LRRC37A2: variants seen among roughly 807,000 people sequenced by gnomAD.
The protein encoded by LRRC37A2 is leucine-rich repeat-containing protein 37A2.
In LRRC37A2, 9 loss-of-function variants were observed where a neutral mutation model predicts 68.8. The ratio of observed to expected loss-of-function variants is 0.13; its 90% CI spans 0.08 to 0.23. LRRC37A2 has a LOEUF of 0.23. Ranked by LOEUF, LRRC37A2 falls within the 10% of genes least tolerant of loss-of-function variation. The pLI is 1.00. For missense variants in LRRC37A2, 168 were observed against 950.4 expected (o/e 0.18, Z 10.82); for synonymous variants, 63 against 367.6 (o/e 0.17, Z 9.48).
the LRRC37A2 span, among the ~76,000 whole-genome samples, chr17:46,805,624 G>T: frequency 6.6e-6 from 1 of 152,110 alleles, no homozygotes; most frequent in Non-Finnish European, 1.5e-5. Context: ...TATGGTGCTT[G>T]CCTGTAGTCT....
chr17:47,018,708 G>A, the LRRC37A2 span: 8 of 1,520,200 alleles, frequency 5.3e-6, no homozygotes, highest in Admixed American at 5.0e-5. Flanking sequence ...TCCACAGACC[G>A]CTGAGGAGGG....
the LRRC37A2 span, among the ~76,000 whole-genome samples, chr17:46,916,108 C>T: frequency 2.0e-5 from 3 of 152,234 alleles, no homozygotes; most frequent in African/African-American, 7.2e-5. Flanking sequence ...ACAAGGTGTT[C>T]ACCCCTCTCC....
chr17:46,859,143 AT>A, the LRRC37A2 span, among the ~76,000 whole-genome samples: 2 of 151,062 alleles, frequency 1.3e-5, no homozygotes, highest in Non-Finnish European at 1.5e-5. Flanking sequence ...TGCCTAGCTA[AT>A]TTTGTATTTT....
At chr17:46,995,117 T>C in the LRRC37A2 span, among the ~76,000 whole-genome samples, 26 of 152,012 alleles carry the variant, frequency 1.7e-4, 1 homozygote, top group South Asian at 5.4e-3. Flanking sequence ...AGTGAGACTG[T>C]CCCCCCACTC....
At chr17:46,886,812 TTTTG>T in the LRRC37A2 span, 249 of 153,964 alleles carry the variant, frequency 1.6e-3, no homozygotes, top group African/African-American at 5.0e-3. Context: ...CATCTGTTTT[TTTTG>T]TTTGTTTGTT....
chr17:46,989,016 C>T, the LRRC37A2 span, among the ~76,000 whole-genome samples: 5 of 152,206 alleles, frequency 3.3e-5, no homozygotes, highest in African/African-American at 9.7e-5. Context: ...CAACAGAACA[C>T]AGGAAATGAG....
chr17:46,871,340 G>T, the LRRC37A2 span, among the ~76,000 whole-genome samples: 1 of 152,166 alleles, frequency 6.6e-6, no homozygotes, highest in Non-Finnish European at 1.5e-5. Context: ...CAAACATTTT[G>T]AACCAGCAGA....
At chr17:47,003,177 A>G in the LRRC37A2 span, among the ~76,000 whole-genome samples, 2 of 148,082 alleles carry the variant, frequency 1.4e-5, no homozygotes, top group East Asian at 4.1e-4. Flanking sequence ...TTAAGGCCGG[A>G]AGGAAATTTG....
At chr17:46,832,392 G>C in the LRRC37A2 span, among the ~76,000 whole-genome samples, 3 of 137,912 alleles carry the variant, frequency 2.2e-5, no homozygotes, top group Admixed American at 2.2e-4. Context: ...ACACAGGGGG[G>C]AAAAGAGAGA....
chr17:46,764,804 C>T, the LRRC37A2 span, among the ~76,000 whole-genome samples: 4 of 152,164 alleles, frequency 2.6e-5, no homozygotes, highest in East Asian at 3.9e-4. Context: ...TGAGGGAGGT[C>T]GTATGAGTCA....
At chr17:46,743,486 G>A in the LRRC37A2 span, among the ~76,000 whole-genome samples, 1 of 152,186 alleles carries the variant, frequency 6.6e-6, no homozygotes, top group Non-Finnish European at 1.5e-5. Context: ...TGGTTGAGGA[G>A]GAGATAGATG....
the LRRC37A2 span, among the ~76,000 whole-genome samples, chr17:46,841,036 G>A: frequency 6.6e-6 from 1 of 152,158 alleles, no homozygotes; most frequent in African/African-American, 2.4e-5. Context: ...CTTTCCCGAT[G>A]CTACTTCCAA....
At chr17:46,830,356 A>G in the LRRC37A2 span, among the ~76,000 whole-genome samples, 34,980 of 152,092 alleles carry the variant, frequency 0.23, 5,036 homozygotes, top group East Asian at 0.59. Context: ...GGCTCAAGCA[A>G]TCCTCCCACT....
At chr17:46,773,833 G>C in the LRRC37A2 span, 1 of 1,613,372 alleles carries the variant, frequency 6.2e-7, no homozygotes. Context: ...AGTTGCTTGG[G>C]GACCAGGCCT....
the LRRC37A2 span, among the ~76,000 whole-genome samples, chr17:46,999,304 A>G: frequency 6.6e-6 from 1 of 152,016 alleles, no homozygotes; most frequent in African/African-American, 2.4e-5. Context: ...GACGCCCTTC[A>G]TACAGTGTTT....
chr17:47,000,066 A>AAATAAAAT, the LRRC37A2 span, among the ~76,000 whole-genome samples: 2 of 23,024 alleles, frequency 8.7e-5, no homozygotes, highest in Non-Finnish European at 2.5e-4. Context: ...AATAAAATTA[A>AAATAAAAT]AATAAAATAA....
the LRRC37A2 span, among the ~76,000 whole-genome samples, chr17:47,011,886 T>A: frequency 2.0e-5 from 3 of 152,198 alleles, no homozygotes; most frequent in African/African-American, 7.2e-5. Context: ...GCACACACTC[T>A]CTCTCTGTCC....
the LRRC37A2 span, among the ~76,000 whole-genome samples, chr17:47,025,289 G>A: frequency 2.6e-5 from 4 of 152,102 alleles, no homozygotes; most frequent in African/African-American, 9.7e-5. Flanking sequence ...ACTTCAGATT[G>A]TTGCCTAAAG....
At chr17:46,545,707 G>A (rs1431909954) in intron 8 of LRRC37A2, among the ~76,000 whole-genome samples, 4 of 122,180 alleles carry the variant, frequency 3.3e-5, no homozygotes, top group African/African-American at 7.4e-5. Flanking sequence ...ATCACTCTTC[G>A]TGGATTCTTC....
Sources: allele counts gnomAD v4.1 joint callset (sites outside exome capture counted in the v4.1 genomes callset), GRCh38; gene constraint gnomAD v4.1.1; transcripts MANE v1.5; gene names NCBI Gene and HGNC (gene_info 2026-07-23, HGNC 2026-07-21).